The following HEATR6 variants were observed in gnomAD, a reference collection of about 807,000 sequenced individuals.
HEATR6 encodes the protein HEAT repeat-containing protein 6.
In HEATR6, 106 loss-of-function variants were observed where a neutral mutation model predicts 132.8. The observed-to-expected ratio is 0.80, with a 90% CI of 0.68 to 0.94. The LOEUF is 0.94. Ranked by LOEUF, HEATR6 falls within the 40% of genes least tolerant of loss-of-function variation. The probability of loss-of-function intolerance (pLI) is 0.00; values close to 1 mark genes in which losing one functional copy is unlikely to be tolerated. For missense variants in HEATR6, 1,339 were observed against 1,425.1 expected (o/e 0.94, Z 0.97); for synonymous variants, 529 against 537.8 (o/e 0.98, Z 0.23).
In HEATR6 at chr17:60,069,766, C is replaced by T. The variant is rs139782985; in HGVS notation, c.884G>A (p.Gly295Glu). The change falls in exon 7 of 20, where the codon GGG (glycine) becomes GAG (glutamate). Residue 295 changes from glycine to glutamate, a missense_variant. Coordinates refer to ENST00000184956, the MANE Select transcript of HEATR6 (RefSeq NM_022070.5). ...TTGCTGTGGTTTGATAGGTGTTCGC[C>T]CATCATACTGAGGAAGCGGAGTTGG... is the stretch of plus-strand genomic sequence containing the variant. ...LYPTPLPQYDGRTPIKPQQSE... is the reference protein window; with the variant it reads ...LYPTPLPQYDERTPIKPQQSE... 1.1e-5 allele frequency: 17 copies of T among 1,613,784 alleles called. No homozygotes were observed. The highest frequency in any genetic ancestry group is 1.4e-5 in the Non-Finnish European group (17 of 1,179,964).
intron 3 of HEATR6, 135 bp downstream of exon 3, chr17:60,073,611 A>G (rs536773984): frequency 3.8e-6 from 3 of 786,630 alleles, no homozygotes; most frequent in South Asian, 3.7e-5. Flanking sequence ...TATTTTATAC[A>G]TGAGGAAACA....
Position 60,043,704 on chromosome 17 carries a change from G to A in HEATR6, c.3405C>T (p.Ala1135=), listed in dbSNP as rs1478322442. 6.2e-7 allele frequency: 1 copy of A among 1,614,132 alleles called. No homozygotes were observed. The highest frequency in any genetic ancestry group is 1.1e-5 in the South Asian group (1 of 91,086). ...CCTGGATGCTGCCCATGTGTTTAAGGGCCATTCTGACCATCTGGTCTCTTT... is the reference window on the plus strand; with the variant it reads ...CCTGGATGCTGCCCATGTGTTTAAGAGCCATTCTGACCATCTGGTCTCTTT... ...PQERDQMVRM[A]LKHMGSIQAP... The change falls in exon 20 of 20, where the codon GCC becomes GCT. Residue 1135 remains alanine (A), a synonymous_variant. Coordinates refer to ENST00000184956, the MANE Select transcript of HEATR6 (RefSeq NM_022070.5).
At position 60,053,037 on chromosome 17, in the gene HEATR6, C is replaced by T. The variant is rs962415190; in HGVS notation, c.2290-2060G>A. Among the ~76,000 whole-genome samples, 15 of 152,240 alleles carry T rather than the reference C, an allele frequency of 9.9e-5. No individual in the cohort carries two copies. The East Asian group carries it at 2.7e-3, about 27-fold the overall frequency. ...ATATGGTTTGGATGTGTGTCCCCTC[C>T]AAATCTCATGTTGACATGTGACCTC... is the stretch of plus-strand genomic sequence containing the variant. On this transcript the variant is annotated intron_variant, in intron 14 of 19. Coordinates refer to ENST00000184956, the MANE Select transcript of HEATR6 (RefSeq NM_022070.5).
intron 13 of HEATR6, 146 bp from the exon 14 acceptor site, chr17:60,055,747 TA>T: frequency 1.7e-6 from 1 of 578,174 alleles, no homozygotes; most frequent in Admixed American, 3.5e-5. Flanking sequence ...TTCACTCTAG[TA>T]ACACCTTCAC....
chr17:60,047,251 G>A lies in HEATR6; in HGVS notation c.2769+58C>T, dbSNP rs1906399999. On this transcript the variant is annotated intron_variant, in intron 18 of 19. Transcript: ENST00000184956. ...TCAAGCCACACTGAACTACCACACT[G>A]CAGCTACAATACATTAACTATCTGT... The A allele has an allele frequency of 1.8e-5, 20 of 1,106,014 alleles. No individual in the cohort carries two copies. The South Asian group carries it at 2.0e-4, about 11-fold the overall frequency. 68.5% of individuals were successfully genotyped at this position (1,106,014 alleles called of 1,614,324 possible). A position where few individuals can be genotyped will look rare whatever the true frequency, so the allele number is the denominator to read the frequency against.
At chr17:60,068,852 T>C (rs1254633666) in intron 7 of HEATR6, among the ~76,000 whole-genome samples, 1 of 152,142 alleles carries the variant, frequency 6.6e-6, no homozygotes, top group Non-Finnish European at 1.5e-5. Context: ...GAGTACTCTG[T>C]GAATATTCTA....
In HEATR6 at chr17:60,066,236, A is replaced by C. The variant is rs1312868720; in HGVS notation, c.1389T>G (p.Thr463=). Residue 463 remains threonine, a synonymous_variant, in exon 9 of 20, where the codon ACT becomes ACG. Transcript: ENST00000184956. ...LGSPQSVSLM[T]LTLKDPSPKT... ...TTGGAGAAGGGTCTTTCAATGTAAG[A>C]GTCATCAAGGACACTGACTGTGGGC... is the stretch of plus-strand genomic sequence containing the variant. 5 of 1,613,808 alleles carry C rather than the reference A, an allele frequency of 3.1e-6. No individual in the cohort carries two copies. Among genetic ancestry groups the C allele is most frequent in the African/African-American group, 1.3e-5 (1 of 74,924 alleles).
intron 19 of HEATR6, among the ~76,000 whole-genome samples, chr17:60,044,901 C>T (rs986464645): frequency 6.6e-6 from 1 of 152,244 alleles, no homozygotes; most frequent in Non-Finnish European, 1.5e-5. Context: ...ATGAGACACT[C>T]ACAATCCGAC....
In HEATR6 at chr17:60,043,802, G is replaced by A. The variant is rs988135663; in HGVS notation, c.3307C>T (p.Gln1103Ter). ...TTTAAAAACTGTAGAATATAGGACTGGACCATATTCCCACTCAGTTCAAGG... is the reference window on the plus strand; with the variant it reads ...TTTAAAAACTGTAGAATATAGGACTAGACCATATTCCCACTCAGTTCAAGG... Reference protein sequence around the residue: ...ETLELSGNMVQSYILQFLKSG... With the variant: ...ETLELSGNMV The change falls in exon 20 of 20, where the codon CAG (glutamine) becomes TAG (stop). Residue 1103 changes from glutamine (Q) to a stop codon, truncating the protein, a stop_gained. Transcript: ENST00000184956. LOFTEE classifies it high-confidence loss of function. 2.5e-6 allele frequency: 4 copies of A among 1,614,184 alleles called. No individual in the cohort carries two copies. Among genetic ancestry groups the A allele is most frequent in the Non-Finnish European group, 3.4e-6 (4 of 1,180,036 alleles).
chr17:60,058,099 C>A (rs1020616394), intron 11 of HEATR6, among the ~76,000 whole-genome samples: 6 of 152,156 alleles, frequency 3.9e-5, no homozygotes, highest in Non-Finnish European at 5.9e-5. Context: ...TATTCCAGGT[C>A]TTTTGCATAT....
At chr17:60,077,986 G>C (rs2083304690) in intron 1 of HEATR6, among the ~76,000 whole-genome samples, 2 of 152,206 alleles carry the variant, frequency 1.3e-5, no homozygotes, top group Non-Finnish European at 2.9e-5. Flanking sequence ...ATGTGTGTTG[G>C]AAGGTGGGAT....
intron 5 of HEATR6, among the ~76,000 whole-genome samples, chr17:60,071,907 T>C (rs1473536244): frequency 1.3e-5 from 2 of 152,218 alleles, no homozygotes; most frequent in African/African-American, 4.8e-5. Context: ...TGCAGATATA[T>C]TTGGTGAAAT....
Position 60,078,683 on chromosome 17 carries a change from G to A in HEATR6, c.219+13C>T. ...TGGGGCCGGGGCCGGGGCCAGCAGG[G>A]CGCGCCGCCTACCTCCGGGGCCACG... On this transcript the variant is annotated intron_variant, in intron 1 of 19. Coordinates refer to ENST00000184956, the MANE Select transcript of HEATR6 (RefSeq NM_022070.5). 6.5e-7 allele frequency: 1 copy of A among 1,533,670 alleles called. No homozygotes were observed. The highest frequency in any genetic ancestry group is 8.8e-7 in the Non-Finnish European group (1 of 1,141,468).
intron 1 of HEATR6, among the ~76,000 whole-genome samples, chr17:60,077,061 G>C (rs1048369623): frequency 6.6e-6 from 1 of 152,032 alleles, no homozygotes; most frequent in African/African-American, 2.4e-5. Context: ...CTAGGTCTTT[G>C]GGCTCCAAAG....
intron 8 of HEATR6, among the ~76,000 whole-genome samples, chr17:60,067,155 A>G (rs1000290088): frequency 6.2e-4 from 94 of 150,568 alleles, no homozygotes; most frequent in Non-Finnish European, 9.4e-4. Context: ...CTGTAGTCCC[A>G]GCTACTCGGG....
At chr17:60,067,333 T>G (rs958858261) in intron 8 of HEATR6, 101 bp downstream of exon 8, 18 of 560,726 alleles carry the variant, frequency 3.2e-5, no homozygotes, top group Non-Finnish European at 4.9e-5. Flanking sequence ...CCCCCAGAAA[T>G]CAGGCTCTTC....
intron 17 of HEATR6, 120 bp from the exon 18 acceptor site, chr17:60,047,525 C>G (rs1018911302): frequency 6.6e-6 from 3 of 454,074 alleles, no homozygotes; most frequent in Non-Finnish European, 1.2e-5. Flanking sequence ...AACAAATCTG[C>G]TTAGATTATA....
chr17:60,075,923 C>A, intron 2 of HEATR6: 1 of 371,138 alleles, frequency 2.7e-6, no homozygotes. Context: ...AGGCATACTT[C>A]TAATAAACAA....
In HEATR6 at chr17:60,048,212, T is replaced by C. The variant is rs1228633125; in HGVS notation, c.2672+52A>G. The C allele has an allele frequency of 6.9e-6, 11 of 1,588,740 alleles. No individual in the cohort carries two copies. The Middle Eastern group carries it at 5.0e-4, about 72-fold the overall frequency. On this transcript the variant is annotated intron_variant, in intron 17 of 19. Transcript: ENST00000184956. The stretch of plus-strand genomic sequence containing the variant: ...CATGGTAGAGATCGAGGACATTCTC[T>C]TGGGCCCTCAATCTCAGAAGTCAGC...
Sources: allele counts gnomAD v4.1 joint callset (sites outside exome capture counted in the v4.1 genomes callset), GRCh38; gene constraint gnomAD v4.1.1; transcripts MANE v1.5; gene names NCBI Gene and HGNC (gene_info 2026-07-23, HGNC 2026-07-21).